IP6K3: variants seen among roughly 807,000 people sequenced by gnomAD.
The protein encoded by IP6K3 is ATP:1D-myo-inositol-hexakisphosphate phosphotransferase.
IP6K3 carries 20 observed loss-of-function variants against 28.8 expected under a neutral mutation model. The ratio of observed to expected loss-of-function variants is 0.70; its 90% confidence interval spans 0.49 to 1.01. IP6K3 has a LOEUF of 1.01. Ranked by LOEUF, IP6K3 falls within the 50% of genes least tolerant of loss-of-function variation. The probability of loss-of-function intolerance (pLI) is 0.00; values close to 1 mark genes in which losing one functional copy is unlikely to be tolerated. For missense variants in IP6K3, 480 were observed against 537.1 expected (o/e 0.89, Z 1.05); for synonymous variants, 213 against 221.3 (o/e 0.96, Z 0.33).
chr6:33,756,588 C>A, the IP6K3 span, among the ~76,000 whole-genome samples: 1 of 152,160 alleles, frequency 6.6e-6, no homozygotes, highest in Non-Finnish European at 1.5e-5. Flanking sequence ...AAAATGAAAT[C>A]TTGGGGCCCT....
chr6:33,723,280 A>G, intron 5 of IP6K3, 93 bp from the exon 6 acceptor site: 2 of 824,120 alleles, frequency 2.4e-6, no homozygotes, highest in Non-Finnish European at 3.7e-6. Context: ...GGGATAATAT[A>G]TGAACAGATT....
the IP6K3 span, among the ~76,000 whole-genome samples, chr6:33,759,877 A>G: frequency 6.6e-6 from 1 of 152,008 alleles, no homozygotes; most frequent in Non-Finnish European, 1.5e-5. Context: ...CGTCTAAAAA[A>G]AAAAAAAGGA....
At chr6:33,727,837 T>G (rs1561901332) in intron 3 of IP6K3, 13 of 985,276 alleles carry the variant, frequency 1.3e-5, no homozygotes, top group Non-Finnish European at 1.6e-5. Context: ...GAATACCTAC[T>G]CAGTAGACAA....
intron 2 of IP6K3, among the ~76,000 whole-genome samples, chr6:33,733,718 C>G (rs1766403805): frequency 6.6e-6 from 1 of 152,238 alleles, no homozygotes; most frequent in African/African-American, 2.4e-5. Flanking sequence ...AGAGGGAGGC[C>G]CACACAGGCA....
chr6:33,752,732 C>T, the IP6K3 span, among the ~76,000 whole-genome samples: 480 of 152,302 alleles, frequency 3.2e-3, 4 homozygotes, highest in Non-Finnish European at 5.7e-3. Flanking sequence ...TGGATGTGGA[C>T]TCACCTGGGC....
chr6:33,729,745 G>A (rs866285162), intron 2 of IP6K3, among the ~76,000 whole-genome samples: 1 of 150,366 alleles, frequency 6.7e-6, no homozygotes, highest in East Asian at 2.0e-4. Flanking sequence ...ATGGAGTCTC[G>A]CTCTGTTGCC....
At chr6:33,729,576 C>T (rs1227707021) in intron 2 of IP6K3, among the ~76,000 whole-genome samples, 2 of 152,236 alleles carry the variant, frequency 1.3e-5, no homozygotes, top group African/African-American at 4.8e-5. Flanking sequence ...TGTTCATACC[C>T]TGCTGTGTTC....
intron 2 of IP6K3, among the ~76,000 whole-genome samples, chr6:33,728,606 G>T (rs556254262): frequency 6.6e-6 from 1 of 152,264 alleles, no homozygotes; most frequent in East Asian, 1.9e-4. Context: ...TTTTGTCCTT[G>T]CGTTCCAGTT....
chr6:33,749,182 C>G (rs554718901), upstream of IP6K3, among the ~76,000 whole-genome samples: 1 of 152,302 alleles, frequency 6.6e-6, no homozygotes, highest in African/African-American at 2.4e-5. Flanking sequence ...AGTGAGTGCC[C>G]TGGCCCCCAG....
rs1380554423 is a variant in IP6K3 at position 33,742,303 on chromosome 6, T to C, written c.-180+4455A>G. On this transcript the variant is annotated intron_variant, in intron 1 of 5. Coordinates refer to ENST00000293756, the MANE Select transcript of IP6K3 (RefSeq NM_054111.5). This position sits in a 1 kb window ranked among gnomAD's most constrained non-coding sequence, Gnocchi z 4.5. ...GCTGCTGAGTTGCTCTGGCTGTCTC[T>C]GGGAGTCTCGGAGACCCAGGACCAA... Among the ~76,000 whole-genome samples the C allele has an allele frequency of 6.6e-6, 1 of 152,140 alleles. No homozygotes were observed. The highest frequency in any genetic ancestry group is 1.5e-5 in the Non-Finnish European group (1 of 68,032).
intron 5 of IP6K3, among the ~76,000 whole-genome samples, chr6:33,725,061 C>A (rs1332837286): frequency 6.6e-6 from 1 of 151,948 alleles, no homozygotes; most frequent in Non-Finnish European, 1.5e-5. Flanking sequence ...AACCCCATCT[C>A]TACTGAAAAC....
Position 33,728,142 on chromosome 6 carries a change from C to T in IP6K3, c.358G>A (p.Asp120Asn), listed in dbSNP as rs141588840. 2.9e-4 allele frequency: 467 copies of T among 1,610,854 alleles called. 1 individual carries two copies. Among genetic ancestry groups the T allele is most frequent in the Admixed American group, 4.5e-4 (27 of 60,000 alleles). The part of the protein sequence containing the change: ...LQQTTGSNGS[D>N]CTLAQWPHAQ... ...TGCGGCCACTGGGCAAGGGTGCAGT[C>T]GCTGCCATTGCTGCCGGTGGTCTGC... The change falls in exon 3 of 6, where the codon GAC (aspartate) becomes AAC (asparagine). Residue 120 changes from aspartate to asparagine, a missense_variant. Asp to Asn is a conservative substitution (Grantham distance 23). Transcript: ENST00000293756.
At chr6:33,740,945 G>A (rs541849801) in intron 1 of IP6K3, among the ~76,000 whole-genome samples, 41 of 152,370 alleles carry the variant, frequency 2.7e-4, no homozygotes, top group Admixed American at 1.2e-3. Context: ...CAGACTGGCT[G>A]ACTGTGGCCA....
intron 2 of IP6K3, among the ~76,000 whole-genome samples, chr6:33,729,933 C>G (rs971083981): frequency 6.6e-6 from 1 of 152,110 alleles, no homozygotes; most frequent in African/African-American, 2.4e-5. Flanking sequence ...AGGCTGGTGT[C>G]GAACTCCTGA....
At chr6:33,736,503 C>A (rs1766530842) in intron 1 of IP6K3, among the ~76,000 whole-genome samples, 1 of 152,192 alleles carries the variant, frequency 6.6e-6, no homozygotes, top group African/African-American at 2.4e-5. Context: ...CTCCCGGGTT[C>A]AAGCGATTCT....
At chr6:33,725,825 AG>A (rs756108687) in intron 4 of IP6K3, among the ~76,000 whole-genome samples, 11 of 152,182 alleles carry the variant, frequency 7.2e-5, no homozygotes, top group Admixed American at 6.5e-4. Context: ...CCATTTATTT[AG>A]GGGGAGTTTA....
intron 4 of IP6K3, 34 bp from the exon 5 acceptor site, chr6:33,725,650 C>T: frequency 6.3e-7 from 1 of 1,580,470 alleles, no homozygotes; most frequent in South Asian, 1.1e-5. Context: ...GCTCTGAGGA[C>T]TTCAGAACTG....
At chr6:33,743,710 C>A (rs1462532297) in intron 1 of IP6K3, among the ~76,000 whole-genome samples, 1 of 152,120 alleles carries the variant, frequency 6.6e-6, no homozygotes, top group Non-Finnish European at 1.5e-5. Flanking sequence ...CTTCACACAT[C>A]ACTTTCCCAG....
Position 33,725,432 on chromosome 6 carries a change from G to C in IP6K3, c.765+9C>G. 5 of 1,603,638 alleles carry C rather than the reference G, an allele frequency of 3.1e-6. No individual in the cohort carries two copies. Among genetic ancestry groups the C allele is most frequent in the Non-Finnish European group, 4.2e-6 (5 of 1,177,598 alleles). ...TGTCCCCCCCTGTGGTGGGTCCCCT[G>C]CGACCTACCTGCATGCCGCAGATGC... On this transcript the variant is annotated intron_variant, in intron 5 of 5. Transcript: ENST00000293756.
Sources: allele counts gnomAD v4.1 joint callset (sites outside exome capture counted in the v4.1 genomes callset), GRCh38; gene constraint gnomAD v4.1.1; non-coding constraint Gnocchi (gnomAD v3.1); transcripts MANE v1.5; gene names NCBI Gene and HGNC (gene_info 2026-07-23, HGNC 2026-07-21).